Variants in LRRTM3 observed in about 807,000 individuals in gnomAD.
LRRTM3 encodes the protein leucine rich repeat transmembrane neuronal 3.
A neutral mutation model predicts 44.7 loss-of-function variants in LRRTM3; 24 were observed. The observed-to-expected ratio is 0.54, with a 90% CI of 0.39 to 0.76. The LOEUF (loss-of-function observed/expected upper bound fraction) is 0.76, where lower values mean the gene tolerates loss of function less well. LRRTM3 is among the 30% of genes least tolerant of loss of function. LRRTM3 has a pLI of 0.00. For missense variants in LRRTM3, 587 were observed against 702.2 expected (o/e 0.84, Z 1.85); for synonymous variants, 277 against 278.7 (o/e 0.99, Z 0.06).
chr10:67,072,128 A>T (rs1856500629), intron 2 of LRRTM3, among the ~76,000 whole-genome samples: 1 of 151,962 alleles, frequency 6.6e-6, no homozygotes, highest in Non-Finnish European at 1.5e-5. Context: ...AATTTTTTGT[A>T]TTTTTAGTAG....
At position 67,005,687 on chromosome 10, in the gene LRRTM3, T is replaced by TTTTTTTTTTGTTTG. The variant is rs1554895957; in HGVS notation, c.1536+77244_1536+77245insGTTTGTTTTTTTTT. On this transcript the variant is annotated intron_variant, in intron 2 of 2. Transcript: ENST00000361320. Reference sequence around the variant, plus strand: ...TTTTGTTTATTTTACTCCATCTTTTTTTTTTTTTTTTTTTTTGAGACGGAG... The same window carrying TTTTTTTTTTGTTTG: ...TTTTGTTTATTTTACTCCATCTTTTTTTTTTTTTTGTTTGTTTTTTTTTTTTTTTTGAGACGGAG... 5.2e-3 allele frequency among the ~76,000 whole-genome samples: 535 copies of TTTTTTTTTTGTTTG among 102,312 alleles called. 19 individuals carry two copies. The highest frequency in any genetic ancestry group is 0.015 in the African/African-American group (500 of 32,440). 67.1% of individuals were successfully genotyped at this position (102,312 alleles called of 152,430 possible). A position where few individuals can be genotyped will look rare whatever the true frequency, so the allele number is the denominator to read the frequency against.
chr10:66,938,717 T>G (rs1847848850), intron 2 of LRRTM3, among the ~76,000 whole-genome samples: 1 of 152,214 alleles, frequency 6.6e-6, no homozygotes, highest in South Asian at 2.1e-4. Flanking sequence ...TGATTTAAAT[T>G]GCTTGTGTGT....
At position 67,045,071 on chromosome 10, in the gene LRRTM3, T is replaced by TGAAA. The variant is rs565406313; in HGVS notation, c.1537-52511_1537-52508dup. On this transcript the variant is annotated intron_variant, in intron 2 of 2. Coordinates refer to ENST00000361320, the MANE Select transcript of LRRTM3 (RefSeq NM_178011.5). ...TGAACAAGTTTATAGATGCCAAATA[T>TGAAA]GAAAGAAATAAATACATATTAAAGA... is the stretch of plus-strand genomic sequence containing the variant. Among the ~76,000 whole-genome samples, 155 of 152,280 alleles carry TGAAA rather than the reference T, an allele frequency of 1.0e-3. No individual in the cohort carries two copies. The Middle Eastern group carries it at 0.01, about 10-fold the overall frequency.
intron 2 of LRRTM3, among the ~76,000 whole-genome samples, chr10:66,968,673 A>G (rs1849564083): frequency 6.6e-6 from 1 of 152,140 alleles, no homozygotes; most frequent in Admixed American, 6.5e-5. Flanking sequence ...AACTGGGTAT[A>G]CAGCACCATA....
chr10:66,951,088 TACACACACAC>T (rs3056558), intron 2 of LRRTM3, among the ~76,000 whole-genome samples: 6 of 146,066 alleles, frequency 4.1e-5, no homozygotes, highest in African/African-American at 7.5e-5. Flanking sequence ...TAACATTAAA[TACACACACAC>T]ACACACACAC....
intron 2 of LRRTM3, among the ~76,000 whole-genome samples, chr10:66,993,153 A>G (rs1466609699): frequency 3.3e-5 from 5 of 152,146 alleles, no homozygotes; most frequent in Non-Finnish European, 5.9e-5. Flanking sequence ...TAGCTGACAA[A>G]TGGGAGCTCA....
chr10:67,094,739 C>T (rs1455436104), intron 2 of LRRTM3, among the ~76,000 whole-genome samples: 1 of 151,640 alleles, frequency 6.6e-6, no homozygotes, highest in Non-Finnish European at 1.5e-5. Flanking sequence ...TCTTACTTGA[C>T]ATTCCAATAA....
intron 2 of LRRTM3, among the ~76,000 whole-genome samples, chr10:66,950,118 A>G (rs1848463698): frequency 6.6e-6 from 1 of 152,160 alleles, no homozygotes; most frequent in South Asian, 2.1e-4. Context: ...TAATTTGCTC[A>G]AATTATTTCT....
intron 2 of LRRTM3, among the ~76,000 whole-genome samples, chr10:67,021,501 T>TA (rs1853013282): frequency 6.6e-6 from 1 of 151,980 alleles, no homozygotes; most frequent in Non-Finnish European, 1.5e-5. Flanking sequence ...GTAAAAACAT[T>TA]AAAAAATCCT....
rs761729350 is a variant in LRRTM3 at position 67,097,708 on chromosome 10, C to A, written c.1658C>A (p.Thr553Lys). 2 of 1,612,514 alleles carry A rather than the reference C, an allele frequency of 1.2e-6. No homozygotes were observed. The highest frequency in any genetic ancestry group is 1.7e-6 in the Non-Finnish European group (2 of 1,179,032). Residue 553 changes from threonine to lysine, a missense_variant, in exon 3 of 3, where the codon ACG becomes AAG. Physicochemically the swap from Thr to Lys is moderately conservative, Grantham distance 78. Coordinates refer to ENST00000361320, the MANE Select transcript of LRRTM3 (RefSeq NM_178011.5). ...KSFETNAQED[T>K]METHLETELD... ...TTTGAAACGAATGCACAGGAAGATA[C>A]GATGGAAACACACCTAGAGACTGAG...
chr10:67,032,546 A>T (rs1326959486), intron 2 of LRRTM3, among the ~76,000 whole-genome samples: 1 of 152,158 alleles, frequency 6.6e-6, no homozygotes, highest in Non-Finnish European at 1.5e-5. Flanking sequence ...CTCTCTACAG[A>T]TTTCTTTTAT....
intron 2 of LRRTM3, among the ~76,000 whole-genome samples, chr10:67,092,368 G>T (rs949967565): frequency 1.6e-4 from 24 of 151,924 alleles, no homozygotes; most frequent in Non-Finnish European, 3.5e-4. Context: ...ACTAGAGAGA[G>T]AATTCTAGAG....
intron 2 of LRRTM3, among the ~76,000 whole-genome samples, chr10:66,987,604 C>T (rs762128969): frequency 6.6e-6 from 1 of 152,112 alleles, no homozygotes; most frequent in Non-Finnish European, 1.5e-5. Context: ...TGTCTCATTC[C>T]CAAGAATCAT....
intron 2 of LRRTM3, among the ~76,000 whole-genome samples, chr10:67,003,468 C>G (rs188392046): frequency 6.6e-6 from 1 of 152,228 alleles, no homozygotes; most frequent in Admixed American, 6.5e-5. Context: ...GGAGAGGTTC[C>G]AAGATCGAAT....
At chr10:66,985,683 T>C (rs1407340075) in intron 2 of LRRTM3, among the ~76,000 whole-genome samples, 1 of 152,088 alleles carries the variant, frequency 6.6e-6, no homozygotes, top group Non-Finnish European at 1.5e-5. Flanking sequence ...CCCAATCCCA[T>C]TGCCCCTAGT....
chr10:67,066,969 CTTAA>C (rs1263902566), intron 2 of LRRTM3, among the ~76,000 whole-genome samples: 3 of 152,130 alleles, frequency 2.0e-5, no homozygotes, highest in African/African-American at 7.2e-5. Flanking sequence ...AATCCTGTCT[CTTAA>C]TTTAACAGAG....
chr10:66,968,930 T>C (rs1455769001), intron 2 of LRRTM3, among the ~76,000 whole-genome samples: 3 of 151,890 alleles, frequency 2.0e-5, no homozygotes, highest in Admixed American at 6.6e-5. Flanking sequence ...GGCAGGAGAA[T>C]TGCTTGAACC....
chr10:66,993,949 T>C (rs1417308629), intron 2 of LRRTM3, among the ~76,000 whole-genome samples: 1 of 152,188 alleles, frequency 6.6e-6, no homozygotes, highest in Non-Finnish European at 1.5e-5. Flanking sequence ...TTTTAACTTT[T>C]TGTCTTCTGA....
At chr10:67,027,442 T>TC (rs1163762160) in intron 2 of LRRTM3, among the ~76,000 whole-genome samples, 1 of 150,876 alleles carries the variant, frequency 6.6e-6, no homozygotes, top group East Asian at 1.9e-4. Context: ...ATGACTTTTT[T>TC]TTTTTTTTTT....
Sources: allele counts gnomAD v4.1 joint callset (sites outside exome capture counted in the v4.1 genomes callset), GRCh38; gene constraint gnomAD v4.1.1; transcripts MANE v1.5; gene names NCBI Gene and HGNC (gene_info 2026-07-23, HGNC 2026-07-21).